The following PLEKHA6 variants were observed in gnomAD, a reference collection of about 807,000 sequenced individuals.
PLEKHA6 encodes pleckstrin homology domain containing A6.
In PLEKHA6, 60 loss-of-function variants were observed where a neutral mutation model predicts 116.7. The ratio of observed to expected loss-of-function variants is 0.51; its 90% confidence interval spans 0.42 to 0.64. PLEKHA6 has a LOEUF of 0.64. PLEKHA6 is among the 30% of genes least tolerant of loss of function. PLEKHA6 has a pLI of 0.00. For synonymous variants in PLEKHA6, 489 were observed against 556.1 expected (o/e 0.88, Z 1.70); for missense variants, 1,338 against 1,422.7 (o/e 0.94, Z 0.96).
chr1:204,326,500 T>C (rs551240475), intron 1 of PLEKHA6, among the ~76,000 whole-genome samples: 2 of 152,292 alleles, frequency 1.3e-5, no homozygotes, highest in African/African-American at 2.4e-5. Context: ...CCCCAGTCCA[T>C]GCCACCTCCC....
At chr1:204,294,827 T>A (rs182595032) in intron 1 of PLEKHA6, among the ~76,000 whole-genome samples, 15 of 152,304 alleles carry the variant, frequency 9.8e-5, no homozygotes, top group Middle Eastern at 3.4e-3. Flanking sequence ...CCACAAAAAA[T>A]TTATGAAAGG....
chr1:204,303,529 A>G (rs1294818868), intron 1 of PLEKHA6, among the ~76,000 whole-genome samples: 1 of 152,182 alleles, frequency 6.6e-6, no homozygotes, highest in Non-Finnish European at 1.5e-5. Flanking sequence ...TTTTGCTCAT[A>G]CAAGTCTGCA....
chr1:204,242,743 A>G (rs1439419597), intron 15 of PLEKHA6, among the ~76,000 whole-genome samples: 1 of 152,174 alleles, frequency 6.6e-6, no homozygotes, highest in Non-Finnish European at 1.5e-5. Context: ...GGGGCCTGGG[A>G]TGGGCACACG....
chr1:204,306,407 T>C (rs972253623), intron 1 of PLEKHA6, among the ~76,000 whole-genome samples: 3 of 152,032 alleles, frequency 2.0e-5, no homozygotes, highest in Non-Finnish European at 2.9e-5. Flanking sequence ...TTACCCACCA[T>C]CCACCAATCA....
At chr1:204,364,260 C>T (rs2103399734), upstream of PLEKHA6, among the ~76,000 whole-genome samples, 1 of 152,256 alleles carries the variant, frequency 6.6e-6, no homozygotes, top group Non-Finnish European at 1.5e-5. Flanking sequence ...TAGGAACGAA[C>T]GGTGAGCCAG....
chr1:204,261,708 G>T lies in PLEKHA6; in HGVS notation c.382-260C>A, dbSNP rs1666141188. On this transcript the variant is annotated intron_variant, in intron 6 of 22. Coordinates refer to ENST00000272203, the MANE Select transcript of PLEKHA6 (RefSeq NM_014935.5). This position sits in a 1 kb window ranked among gnomAD's most constrained non-coding sequence, Gnocchi z 4.0. ...ATTAGGCAGCCCAATAACCAGGTCAGCCTACTTGCCCCACCTGGGGTAATT... is the reference window on the plus strand; with the variant it reads ...ATTAGGCAGCCCAATAACCAGGTCATCCTACTTGCCCCACCTGGGGTAATT... 6.6e-6 allele frequency among the ~76,000 whole-genome samples: 1 copy of T among 152,222 alleles called. No homozygotes were observed. Among genetic ancestry groups the T allele is most frequent in the Non-Finnish European group, 1.5e-5 (1 of 68,032 alleles).
chr1:204,255,481 G>A (rs1423514254), intron 9 of PLEKHA6: 10 of 605,420 alleles, frequency 1.7e-5, no homozygotes, highest in South Asian at 9.9e-5. Context: ...GTGTGTAGGC[G>A]CAAACCAAAA....
chr1:204,289,360 A>G (rs1669515434), intron 1 of PLEKHA6, among the ~76,000 whole-genome samples: 1 of 152,144 alleles, frequency 6.6e-6, no homozygotes, highest in African/African-American at 2.4e-5. Context: ...CAGGCCCCAG[A>G]GGAGTGATTT....
Position 204,257,434 on chromosome 1 carries a change from A to C in PLEKHA6, c.1443T>G (p.Phe481Leu). ...YSPVRSPSARFERLPPRSEDI... is the reference protein window; with the variant it reads ...YSPVRSPSARLERLPPRSEDI... ...CCTCACTGCGAGGTGGCAGCCGCTC[A>C]AAACGGGCACTGGGTGAGCGGACAG... Residue 481 changes from phenylalanine (F) to leucine (L), a missense_variant, in exon 9 of 23, where the codon TTT becomes TTG. Phe to Leu is a conservative substitution (Grantham distance 22, BLOSUM62 0). Transcript: ENST00000272203. This position sits in a 1 kb window ranked among gnomAD's most constrained non-coding sequence, Gnocchi z 6.5. 1 of 1,567,628 alleles carries C rather than the reference A, an allele frequency of 6.4e-7. No homozygotes were observed. Among genetic ancestry groups the C allele is most frequent in the Non-Finnish European group, 8.7e-7 (1 of 1,155,262 alleles).
At chr1:204,271,643 A>G (rs1420285327) in intron 3 of PLEKHA6, among the ~76,000 whole-genome samples, 1 of 152,064 alleles carries the variant, frequency 6.6e-6, no homozygotes. Flanking sequence ...ACAACCTCCC[A>G]CTGACTCCTG....
At chr1:204,329,640 C>G (rs965410586) in intron 1 of PLEKHA6, among the ~76,000 whole-genome samples, 1 of 152,134 alleles carries the variant, frequency 6.6e-6, no homozygotes, top group African/African-American at 2.4e-5. Flanking sequence ...TTAAAGGAAC[C>G]TGAATTTGAT....
intron 1 of PLEKHA6, among the ~76,000 whole-genome samples, chr1:204,315,608 C>T (rs1045461385): frequency 7.9e-5 from 12 of 152,142 alleles, no homozygotes; most frequent in African/African-American, 2.7e-4. Flanking sequence ...CCCCCTCCGC[C>T]GTGAAGTTGT....
chr1:204,326,260 C>T (rs533988960), intron 1 of PLEKHA6, among the ~76,000 whole-genome samples: 91 of 152,350 alleles, frequency 6.0e-4, no homozygotes, highest in Non-Finnish European at 1.0e-3. Flanking sequence ...CTCAGCTCCT[C>T]TCTCCCTTAG....
intron 1 of PLEKHA6, among the ~76,000 whole-genome samples, chr1:204,331,924 T>G (rs1310523274): frequency 1.3e-5 from 2 of 151,924 alleles, no homozygotes; most frequent in Non-Finnish European, 2.9e-5. Context: ...CAGCCCACTT[T>G]GCTCAGAGGG....
intron 1 of PLEKHA6, among the ~76,000 whole-genome samples, chr1:204,372,914 T>C (rs1265783917): frequency 5.1e-4 from 1 of 1,954 alleles, no homozygotes; most frequent in African/African-American, 3.6e-3. Flanking sequence ...CCTGAAAAAC[T>C]TTTTTTTTTT....
rs140184385 is a variant in PLEKHA6, at chr1:204,320,417, G to A, written c.-95+39277C>T. ...CCCTCCATCTGGATTCACCATACTC[G>A]CAGCTCAGCTCCCCAGGAGACTGTG... On this transcript the variant is annotated intron_variant, in intron 1 of 22. Coordinates refer to ENST00000272203, the MANE Select transcript of PLEKHA6 (RefSeq NM_014935.5). 389 of 841,906 alleles carry A rather than the reference G, an allele frequency of 4.6e-4. 2 individuals carry two copies. In the African/African-American group the frequency reaches 6.0e-3, roughly 13 times the overall value. The allele number at this position is 841,906 out of a possible 1,614,324, so 52.2% of individuals were successfully genotyped here.
At chr1:204,355,462 C>T (rs1446868841) in intron 1 of PLEKHA6, among the ~76,000 whole-genome samples, 1 of 152,130 alleles carries the variant, frequency 6.6e-6, no homozygotes, top group East Asian at 1.9e-4. Flanking sequence ...TGTTTTGAGA[C>T]AGAGTCTTGT....
intron 1 of PLEKHA6, chr1:204,327,134 A>C (rs1672271019): frequency 2.9e-6 from 1 of 348,724 alleles, no homozygotes; most frequent in African/African-American, 2.2e-5. Flanking sequence ...AACTCCCAGC[A>C]AAAGAAGTAG....
intron 1 of PLEKHA6, among the ~76,000 whole-genome samples, chr1:204,324,891 G>A (rs1169985533): frequency 6.6e-6 from 1 of 152,118 alleles, no homozygotes; most frequent in East Asian, 1.9e-4. Flanking sequence ...TAGAAGAGAG[G>A]AGATGCAGGA....
Sources: gnomAD v4.1 joint callset for allele counts (sites outside exome capture counted in the v4.1 genomes callset) on GRCh38, gnomAD v4.1.1 for gene constraint, Gnocchi (gnomAD v3.1) non-coding constraint, MANE v1.5 for transcripts, NCBI Gene and HGNC (gene_info 2026-07-23, HGNC 2026-07-21) for gene names.